Variants in ZFYVE26 observed in about 807,000 individuals in gnomAD.
ZFYVE26 encodes the protein zinc finger FYVE domain-containing protein 26.
In ZFYVE26, 181 loss-of-function variants were observed where a neutral mutation model predicts 276.5. The ratio of observed to expected loss-of-function variants is 0.65; its 90% CI spans 0.58 to 0.74. The LOEUF is 0.74. Ranked by LOEUF, ZFYVE26 falls within the 30% of genes least tolerant of loss-of-function variation. The probability of loss-of-function intolerance (pLI) is 0.00; values close to 1 mark genes in which losing one functional copy is unlikely to be tolerated. For synonymous variants in ZFYVE26, 1,129 were observed against 1,203.1 expected, an observed-to-expected ratio of 0.94 and a Z score of 1.27; for missense variants, 2,821 against 3,097.9, an observed-to-expected ratio of 0.91 and a Z score of 2.12.
intron 12 of ZFYVE26, chr14:67,796,263 C>A (rs1326730189): frequency 6.7e-6 from 1 of 149,684 alleles, no homozygotes; most frequent in Non-Finnish European, 1.5e-5. Context: ...GTCACCCAGG[C>A]TAGAGTCCAG....
chr14:67,814,172 G>A lies in ZFYVE26; in HGVS notation c.195-108C>T, dbSNP rs2040354734. The A allele has an allele frequency of 6.2e-5, 51 of 825,548 alleles. No homozygotes were observed. The South Asian group carries it at 7.1e-4, about 12-fold the overall frequency. 51.1% of individuals were successfully genotyped at this position (825,548 alleles called of 1,614,324 possible). On this transcript the variant is annotated intron_variant, in intron 2 of 41. Coordinates refer to ENST00000347230, the MANE Select transcript of ZFYVE26 (RefSeq NM_015346.4). ...CTTATTCTGTTTTAAACCTGAACAG[G>A]CAAGACACTGCCCTAATGAGATATT... is the stretch of plus-strand genomic sequence containing the variant.
At chr14:67,780,573 T>G (rs2039473018) in intron 22 of ZFYVE26, among the ~76,000 whole-genome samples, 1 of 152,152 alleles carries the variant, frequency 6.6e-6, no homozygotes, top group Non-Finnish European at 1.5e-5. Context: ...AGGCCAGGAC[T>G]GGGGCCTTTC....
At chr14:67,742,013 C>T (rs924578162), downstream of ZFYVE26, among the ~76,000 whole-genome samples, 4 of 152,216 alleles carry the variant, frequency 2.6e-5, no homozygotes, top group African/African-American at 9.7e-5. Context: ...GCCCACGGAG[C>T]GGTCCATCTC....
At chr14:67,762,030 C>G (rs2038944618) in intron 34 of ZFYVE26, 173 bp downstream of exon 34, 1 of 655,474 alleles carries the variant, frequency 1.5e-6, no homozygotes, top group African/African-American at 1.8e-5. Context: ...CTTATCTAAC[C>G]ATATATGGTT....
At chr14:67,766,125 G>T in intron 32 of ZFYVE26, 102 bp downstream of exon 32, 2 of 1,132,770 alleles carry the variant, frequency 1.8e-6, no homozygotes, top group African/African-American at 1.5e-5. Flanking sequence ...AGCATGTCTT[G>T]TCAGAGAGGA....
chr14:67,812,746 T>C (rs541835408), intron 3 of ZFYVE26, among the ~76,000 whole-genome samples: 72 of 152,320 alleles, frequency 4.7e-4, no homozygotes, highest in Admixed American at 1.3e-3. Context: ...AAGCAAATAG[T>C]CTCTACTGAG....
At position 67,756,085 on chromosome 14, in the gene ZFYVE26, G is replaced by C. The variant is rs149104493; in HGVS notation, c.6649C>G (p.Leu2217Val). Residue 2217 changes from leucine (L) to valine (V), a missense_variant, in exon 36 of 42, where the codon CTA (leucine) becomes GTA (valine). Leu to Val is a conservative substitution (Grantham distance 32). Transcript: ENST00000347230. ...TCTAGCAAGTTCTCCAAAGTGTGTA[G>C]CTTCCCACTTTTATAGCTTGGTTGG... is the stretch of plus-strand genomic sequence containing the variant. Reference protein sequence around the residue: ...IFQPSYKSGKLHTLENLLESI... With the variant: ...IFQPSYKSGKVHTLENLLESI... 6.6e-5 allele frequency: 106 copies of C among 1,614,222 alleles called. No homozygotes were observed. In the African/African-American group the frequency reaches 1.2e-3, roughly 19 times the overall value.
At chr14:67,742,964 C>T (rs1021595711), downstream of ZFYVE26, among the ~76,000 whole-genome samples, 1 of 151,252 alleles carries the variant, frequency 6.6e-6, no homozygotes, top group Non-Finnish European at 1.5e-5. Context: ...CTCAGCCTCC[C>T]GAGTAGCTGG....
chr14:67,763,959 A>G (rs2038996508), intron 32 of ZFYVE26, among the ~76,000 whole-genome samples: 1 of 152,170 alleles, frequency 6.6e-6, no homozygotes, highest in Non-Finnish European at 1.5e-5. Flanking sequence ...CACAGGCCAC[A>G]TCGCTACCAT....
In ZFYVE26 at chr14:67,766,348, C is replaced by G. The variant is rs1389256600; in HGVS notation, c.5890G>C (p.Gly1964Arg). The change falls in exon 32 of 42, where the codon GGC (glycine) becomes CGC (arginine). Residue 1964 changes from glycine (G) to arginine (R), a missense_variant. Transcript: ENST00000347230. The stretch of plus-strand genomic sequence containing the variant: ...GCATCCACCTCTGGGTTGGTGAGGC[C>G]CTTGGAGAGCCTGCAGCAGTGCTCA... Reference protein sequence around the residue: ...LIEHCCRLSKGLTNPEVDAGL... With the variant: ...LIEHCCRLSKRLTNPEVDAGL... 7 of 1,613,142 alleles carry G rather than the reference C, an allele frequency of 4.3e-6. No individual in the cohort carries two copies. The highest frequency in any genetic ancestry group is 5.1e-6 in the Non-Finnish European group (6 of 1,180,046).
chr14:67,753,040 T>C (rs1262653275), intron 39 of ZFYVE26, among the ~76,000 whole-genome samples: 1 of 152,170 alleles, frequency 6.6e-6, no homozygotes, highest in South Asian at 2.1e-4. Context: ...AGGGTATCTG[T>C]GTGTGGTGAG....
rs767581391 is a variant in ZFYVE26, at chr14:67,807,466, G to T, written c.818C>A (p.Ser273Tyr). 3 of 1,614,058 alleles carry T rather than the reference G, an allele frequency of 1.9e-6. No individual in the cohort carries two copies. The highest frequency in any genetic ancestry group is 2.5e-6 in the Non-Finnish European group (3 of 1,179,998). ...CTCTGCATAGGTATGGCCATACAGG[G>T]ACAGCAGGCCCCGGCTGGCCTTGTG... ...LLHKASRGLL[S>Y]LYGHTYAEKV... The change falls in exon 5 of 42, where the codon TCC becomes TAC. Residue 273 changes from serine to tyrosine, a missense_variant. Transcript: ENST00000347230.
exon 14 of ZFYVE26, chr14:67,729,513 G>GAA: frequency 1.2e-6 from 1 of 827,230 alleles, no homozygotes; most frequent in Non-Finnish European, 2.0e-6. Context: ...CCTGCAAACA[G>GAA]AATGCCGTTG....
chr14:67,773,550 GGC>G (rs1260021624), intron 27 of ZFYVE26, among the ~76,000 whole-genome samples: 225 of 15,620 alleles, frequency 0.014, 2 homozygotes, highest in African/African-American at 0.018. Flanking sequence ...AAAAAAAAAA[GGC>G]GCACACACAC....
chr14:67,773,903 G>A (rs1320495217), intron 27 of ZFYVE26, among the ~76,000 whole-genome samples: 2 of 152,236 alleles, frequency 1.3e-5, no homozygotes, highest in African/African-American at 4.8e-5. Context: ...AGCTTCTTTC[G>A]AGAGTAGGCC....
At chr14:67,769,925 G>T in intron 28 of ZFYVE26, 195 bp from the exon 29 acceptor site, 1 of 708,030 alleles carries the variant, frequency 1.4e-6, no homozygotes, top group Non-Finnish European at 2.4e-6. Context: ...GTCAGCTGAT[G>T]GGCAAAGGTG....
chr14:67,815,830 T>C lies in ZFYVE26; in HGVS notation c.134A>G (p.Asp45Gly), dbSNP rs534799202. The change falls in exon 2 of 42, where the codon GAT becomes GGT. Residue 45 changes from aspartate to glycine, a missense_variant. Coordinates refer to ENST00000347230, the MANE Select transcript of ZFYVE26 (RefSeq NM_015346.4). ...CVPQLQEGQGDIPKRVEDILQ... is the reference protein window; with the variant it reads ...CVPQLQEGQGGIPKRVEDILQ... ...TATGTCTTCTACCCTCTTTGGGATA[T>C]CCCCTTGTCCCTCCTGTAGCTGAGG... The C allele has an allele frequency of 1.9e-6, 3 of 1,614,084 alleles. No individual in the cohort carries two copies. The highest frequency in any genetic ancestry group is 1.1e-5 in the South Asian group (1 of 91,080).
chr14:67,748,983 T>C (rs914644530), intron 41 of ZFYVE26, among the ~76,000 whole-genome samples: 10 of 152,194 alleles, frequency 6.6e-5, no homozygotes, highest in Non-Finnish European at 1.5e-5. Context: ...TCAGCATTGC[T>C]CTCGCCCAGA....
rs1215991801 is a variant in ZFYVE26, at chr14:67,768,564, G to T, written c.5622-16C>A. 3 of 1,613,884 alleles carry T rather than the reference G, an allele frequency of 1.9e-6. No individual in the cohort carries two copies. The highest frequency in any genetic ancestry group is 2.5e-6 in the Non-Finnish European group (3 of 1,179,784). On this transcript the variant is annotated splice_polypyrimidine_tract_variant and intron_variant, in intron 29 of 41. Transcript: ENST00000347230. ...CTCTGGTACACTGAAAACAGAGAAA[G>T]AAAAATTATTAAATAAATGCCTGAG...
Sources: gnomAD v4.1 joint callset for allele counts (sites outside exome capture counted in the v4.1 genomes callset) on GRCh38, gnomAD v4.1.1 for gene constraint, MANE v1.5 for transcripts, NCBI Gene and HGNC (gene_info 2026-07-23, HGNC 2026-07-21) for gene names.